Variants in YWHAH observed in about 807,000 individuals in gnomAD.
YWHAH encodes the protein 14-3-3 protein eta.
In YWHAH, 6 loss-of-function variants were observed where a neutral mutation model predicts 22.9. The observed-to-expected ratio is 0.26, with a 90% CI of 0.14 to 0.52. The LOEUF is 0.52. Among genes scored for constraint, YWHAH ranks in the 20% least tolerant of loss-of-function variants. YWHAH has a pLI of 0.97. For missense variants in YWHAH, 173 were observed against 308.6 expected (o/e 0.56, Z 3.29); for synonymous variants, 135 against 124.5 (o/e 1.08, Z -0.56).
Position 31,944,654 on chromosome 22 carries a change from G to C in YWHAH, c.-80G>C, listed in dbSNP as rs2093830432. The stretch of plus-strand genomic sequence containing the variant: ...CGTGCGCGGCGGCGGCCTCCGCAGC[G>C]ACCGGGGAGCGGACTGACCGGCGGG... On this transcript the variant is annotated 5_prime_UTR_variant, in exon 1 of 2. Coordinates refer to ENST00000248975, the MANE Select transcript of YWHAH (RefSeq NM_003405.4). 8.9e-7 allele frequency: 1 copy of C among 1,119,762 alleles called. No individual in the cohort carries two copies. The highest frequency in any genetic ancestry group is 1.6e-5 in the African/African-American group (1 of 60,806). 69.4% of individuals were successfully genotyped at this position (1,119,762 alleles called of 1,614,324 possible). A position where few individuals can be genotyped will look rare whatever the true frequency, so the allele number is the denominator to read the frequency against.
intron 1 of YWHAH, among the ~76,000 whole-genome samples, chr22:31,953,238 A>G (rs1245405919): frequency 6.6e-6 from 1 of 152,058 alleles, no homozygotes; most frequent in East Asian, 1.9e-4. Context: ...TACAAGATGA[A>G]AGGAGCTCTC....
rs189030427 is a variant in YWHAH, at chr22:31,945,071, G to A, written c.87+251G>A. 1,657 of 1,103,632 alleles carry A rather than the reference G, an allele frequency of 1.5e-3. 24 individuals are homozygous for A. In the African/African-American group the frequency reaches 0.026, roughly 17 times the overall value. The allele number at this position is 1,103,632 out of a possible 1,614,324, so 68.4% of individuals were successfully genotyped here. On this transcript the variant is annotated intron_variant, in intron 1 of 1. Coordinates refer to ENST00000248975, the MANE Select transcript of YWHAH (RefSeq NM_003405.4). ...TCGCGAAGGCAGCCCCGGAAGGGGG[G>A]CGGGCCGGTCGGGGTCGCCACATCT...
chr22:31,951,662 T>C (rs1324562432), intron 1 of YWHAH, among the ~76,000 whole-genome samples: 1 of 152,088 alleles, frequency 6.6e-6, no homozygotes, highest in African/African-American at 2.4e-5. Context: ...AATAGTGTCA[T>C]AGGAAGATAA....
At chr22:31,947,612 A>G (rs978883613) in intron 1 of YWHAH, 2 of 407,738 alleles carry the variant, frequency 4.9e-6, no homozygotes, top group Non-Finnish European at 1.0e-5. Context: ...TGAAGCATAA[A>G]GGAGTATCTT....
At chr22:31,949,429 C>T (rs1255015799) in intron 1 of YWHAH, among the ~76,000 whole-genome samples, 1 of 152,116 alleles carries the variant, frequency 6.6e-6, no homozygotes, top group Non-Finnish European at 1.5e-5. Context: ...CAGGCGTGAG[C>T]CACTGCGCTT....
At position 31,944,816 on chromosome 22, in the gene YWHAH, A is replaced by G; in HGVS notation, c.83A>G (p.Lys28Arg). 7.2e-7 allele frequency: 1 copy of G among 1,385,912 alleles called. No individual in the cohort carries two copies. The highest frequency in any genetic ancestry group is 9.4e-7 in the Non-Finnish European group (1 of 1,061,374). The allele number at this position is 1,385,912 out of a possible 1,614,324, so 85.9% of individuals were successfully genotyped here. ...ERYDDMASAM[K>R]AVTELNEPLS... ...TACGACGACATGGCCTCCGCTATGA[A>G]GGCGGTGAGCGCGCCGGGAGCCCGG... Residue 28 changes from lysine to arginine, a missense_variant, in exon 1 of 2, where the codon AAG becomes AGG. Transcript: ENST00000248975.
intron 1 of YWHAH, among the ~76,000 whole-genome samples, chr22:31,949,991 C>T (rs992159641): frequency 6.8e-6 from 1 of 147,860 alleles, no homozygotes; most frequent in Non-Finnish European, 1.5e-5. Flanking sequence ...GAACAATCTG[C>T]CATTTATGGG....
At chr22:31,954,067 A>G (rs1186910154) in intron 1 of YWHAH, among the ~76,000 whole-genome samples, 1 of 152,190 alleles carries the variant, frequency 6.6e-6, no homozygotes, top group East Asian at 1.9e-4. Context: ...CAAATAAACC[A>G]TCATTGTTCA....
intron 1 of YWHAH, among the ~76,000 whole-genome samples, chr22:31,952,664 T>C (rs1449666214): frequency 6.6e-6 from 1 of 152,246 alleles, no homozygotes; most frequent in East Asian, 1.9e-4. Context: ...TCATTCAGAC[T>C]GGCAGGCAAC....
At chr22:31,947,393 T>C in intron 1 of YWHAH, 1 of 468,932 alleles carries the variant, frequency 2.1e-6, no homozygotes, top group Non-Finnish European at 4.4e-6. Context: ...GTTTTCTGTT[T>C]CCTTCATAAT....
chr22:31,944,826 C>G lies in YWHAH; in HGVS notation c.87+6C>G. 2 of 1,374,012 alleles carry G rather than the reference C, an allele frequency of 1.5e-6. No individual in the cohort carries two copies. The highest frequency in any genetic ancestry group is 1.9e-6 in the Non-Finnish European group (2 of 1,054,920). The allele number at this position is 1,374,012 out of a possible 1,614,324, so 85.1% of individuals were successfully genotyped here. A position where few individuals can be genotyped will look rare whatever the true frequency, so the allele number is the denominator to read the frequency against. ...TGGCCTCCGCTATGAAGGCGGTGAG[C>G]GCGCCGGGAGCCCGGGCGGCTGGCC... On this transcript the variant is annotated splice_donor_region_variant and intron_variant, in intron 1 of 1. Transcript: ENST00000248975.
At chr22:31,949,690 G>A (rs2093840346) in intron 1 of YWHAH, among the ~76,000 whole-genome samples, 1 of 152,116 alleles carries the variant, frequency 6.6e-6, no homozygotes, top group Non-Finnish European at 1.5e-5. Context: ...TTCAGGATAG[G>A]TACTGTTACT....
At chr22:31,950,300 G>A (rs754112123) in intron 1 of YWHAH, 1 of 778,986 alleles carries the variant, frequency 1.3e-6, no homozygotes. Context: ...CAAAATTTCT[G>A]TCTCTAGGTT....
chr22:31,952,154 T>C (rs1476450574), intron 1 of YWHAH, among the ~76,000 whole-genome samples: 1 of 152,222 alleles, frequency 6.6e-6, no homozygotes, highest in East Asian at 1.9e-4. Context: ...TTGCTTCATG[T>C]TCCTGATTTG....
chr22:31,956,310 G>T lies in YWHAH; in HGVS notation c.259G>T (p.Glu87Ter). Residue 87 changes from glutamate (E) to a stop codon, truncating the protein, a stop_gained, in exon 2 of 2, where the codon GAG becomes TAG. Transcript: ENST00000248975. LOFTEE classifies it high-confidence loss of function. This position sits in a 1 kb window ranked among gnomAD's most constrained non-coding sequence, Gnocchi z 5.1. ...ATTGGAGAAAGTTAAAGCTTACCGG[G>T]AGAAGATTGAGAAGGAGCTGGAGAC... is the stretch of plus-strand genomic sequence containing the variant. ...KKLEKVKAYR[E>*]KIEKELETVC... 1 of 1,614,162 alleles carries T rather than the reference G, an allele frequency of 6.2e-7. No individual in the cohort carries two copies. The highest frequency in any genetic ancestry group is 8.5e-7 in the Non-Finnish European group (1 of 1,180,022).
chr22:31,948,920 C>T (rs2093838854), intron 1 of YWHAH, among the ~76,000 whole-genome samples: 2 of 152,270 alleles, frequency 1.3e-5, no homozygotes, highest in African/African-American at 4.8e-5. Flanking sequence ...GAATTATCCC[C>T]AGAAGAACTT....
rs116031558 is a variant in YWHAH, at chr22:31,945,499, G to A, written c.87+679G>A. 8.6e-4 allele frequency: 1,125 copies of A among 1,304,066 alleles called. 7 individuals are homozygous for A. The African/African-American group carries it at 0.016, about 18-fold the overall frequency. The allele number at this position is 1,304,066 out of a possible 1,614,324, so 80.8% of individuals were successfully genotyped here. A position where few individuals can be genotyped will look rare whatever the true frequency, so the allele number is the denominator to read the frequency against. On this transcript the variant is annotated intron_variant, in intron 1 of 1. Coordinates refer to ENST00000248975, the MANE Select transcript of YWHAH (RefSeq NM_003405.4). ...AGATTAAAATGAAACGTGACTTCTA[G>A]GTGAGACGAATCTGTGTGTCTTTGC...
chr22:31,948,417 C>G (rs989985087), intron 1 of YWHAH, among the ~76,000 whole-genome samples: 1 of 150,428 alleles, frequency 6.6e-6, no homozygotes, highest in African/African-American at 2.4e-5. Context: ...AAGAGATGGT[C>G]TCGTTCTGGA....
Position 31,944,594 on chromosome 22 carries a change from G to T in YWHAH, c.-140G>T, listed in dbSNP as rs1327172042. The T allele has an allele frequency of 1.4e-5, 7 of 502,302 alleles. No individual in the cohort carries two copies. Among genetic ancestry groups the T allele is most frequent in the African/African-American group, 2.1e-5 (1 of 48,572 alleles). 31.1% of individuals were successfully genotyped at this position (502,302 alleles called of 1,614,324 possible). ...GCGGCGGCGCTGCCTGCAGCCTGCA[G>T]CCTGCAGCCTCCGGCCGGCCGGCGA... On this transcript the variant is annotated 5_prime_UTR_variant, in exon 1 of 2. Transcript: ENST00000248975.
Sources: allele counts gnomAD v4.1 joint callset (sites outside exome capture counted in the v4.1 genomes callset), GRCh38; gene constraint gnomAD v4.1.1; non-coding constraint Gnocchi (gnomAD v3.1); transcripts MANE v1.5; gene names NCBI Gene and HGNC (gene_info 2026-07-23, HGNC 2026-07-21).